Variants in TCERG1L observed in about 807,000 individuals in gnomAD.
TCERG1L encodes transcription elongation regulator 1 like.
TCERG1L carries 37 observed loss-of-function variants against 56.3 expected under a neutral mutation model. The ratio of observed to expected loss-of-function variants is 0.66; its 90% CI spans 0.51 to 0.87. The LOEUF (loss-of-function observed/expected upper bound fraction) is 0.87. TCERG1L is among the 40% of genes least tolerant of loss of function. The pLI, the probability that TCERG1L is intolerant of heterozygous loss-of-function variation, is 0.00. For missense variants in TCERG1L, 799 were observed against 774.2 expected (o/e 1.03, Z -0.38); for synonymous variants, 324 against 326.3 (o/e 0.99, Z 0.08).
chr10:131,212,514 C>T (rs557590753), intron 4 of TCERG1L, among the ~76,000 whole-genome samples: 1 of 152,124 alleles, frequency 6.6e-6, no homozygotes, highest in Non-Finnish European at 1.5e-5. Context: ...AATAATTAGG[C>T]CTTACCTAAA....
Position 131,281,685 on chromosome 10 carries a change from C to T in TCERG1L, c.671-21241G>A, listed in dbSNP as rs140486802. Among the ~76,000 whole-genome samples the T allele has an allele frequency of 1.5e-3, 221 of 151,698 alleles. 3 individuals are homozygous for T. The Middle Eastern group carries it at 0.034, about 23-fold the overall frequency. ...ACAGTCCCCCTGGCTACTCTCCCGA[C>T]GCTCCGTCCTAAAGTCCCTATTGGG... On this transcript the variant is annotated intron_variant, in intron 3 of 11. Transcript: ENST00000368642.
chr10:131,130,167 C>T (rs138952433), intron 8 of TCERG1L, among the ~76,000 whole-genome samples: 27 of 151,626 alleles, frequency 1.8e-4, no homozygotes, highest in African/African-American at 4.8e-4. Context: ...AGGTGAAAGA[C>T]GCATGTTACA....
intron 4 of TCERG1L, among the ~76,000 whole-genome samples, chr10:131,213,646 C>A (rs1433557537): frequency 6.6e-6 from 1 of 152,194 alleles, no homozygotes; most frequent in East Asian, 1.9e-4. Flanking sequence ...CTTAATTATG[C>A]AAGCTGCTTC....
At chr10:131,285,486 A>G (rs1291445618) in intron 3 of TCERG1L, among the ~76,000 whole-genome samples, 5 of 18,896 alleles carry the variant, frequency 2.6e-4, no homozygotes, top group African/African-American at 4.5e-4. Flanking sequence ...GAAAGAAAGA[A>G]AGAAAGAAAG....
At chr10:131,285,103 C>T (rs892035078) in intron 3 of TCERG1L, among the ~76,000 whole-genome samples, 61 of 152,238 alleles carry the variant, frequency 4.0e-4, no homozygotes, top group Non-Finnish European at 7.4e-4. Context: ...AGCAGCCAGT[C>T]GCAGTGGCTC....
At chr10:131,129,383 C>T (rs12250538) in intron 8 of TCERG1L, among the ~76,000 whole-genome samples, 53,220 of 152,034 alleles carry the variant, frequency 0.35, 9,413 homozygotes, top group Non-Finnish European at 0.38. Flanking sequence ...TATATGATGT[C>T]GGGGGTTTGT....
At chr10:131,244,496 G>A (rs1325223008) in intron 4 of TCERG1L, among the ~76,000 whole-genome samples, 1 of 152,094 alleles carries the variant, frequency 6.6e-6, no homozygotes. Context: ...TCTTTAAGGT[G>A]CGCTGGAAGA....
intron 4 of TCERG1L, among the ~76,000 whole-genome samples, chr10:131,248,565 C>T (rs531791578): frequency 1.3e-5 from 2 of 152,278 alleles, no homozygotes; most frequent in Non-Finnish European, 2.9e-5. Context: ...GGACTCTTCC[C>T]GTGACCCCCT....
intron 6 of TCERG1L, among the ~76,000 whole-genome samples, chr10:131,160,034 G>A (rs1337709920): frequency 1.3e-5 from 2 of 152,154 alleles, no homozygotes; most frequent in Non-Finnish European, 2.9e-5. Context: ...GACTAAACAT[G>A]AAACGAGAAA....
chr10:131,133,409 G>A (rs975088015), intron 8 of TCERG1L, among the ~76,000 whole-genome samples: 3 of 152,212 alleles, frequency 2.0e-5, no homozygotes, highest in Non-Finnish European at 2.9e-5. Context: ...TGCAGGCCTA[G>A]GGTATCCCAT....
At chr10:131,116,677 G>C in intron 9 of TCERG1L, 122 bp downstream of exon 9, 1 of 1,342,852 alleles carries the variant, frequency 7.4e-7, no homozygotes, top group African/African-American at 1.4e-5. Context: ...CTCAGGCCAG[G>C]ACAGTCACTC....
At chr10:131,106,468 G>A (rs538019275) in intron 9 of TCERG1L, among the ~76,000 whole-genome samples, 34 of 152,344 alleles carry the variant, frequency 2.2e-4, no homozygotes, top group African/African-American at 7.7e-4. Flanking sequence ...AGCTGGTGGT[G>A]GGGACAAAGG....
intron 4 of TCERG1L, among the ~76,000 whole-genome samples, chr10:131,168,362 A>T (rs1253322306): frequency 6.6e-6 from 1 of 152,156 alleles, no homozygotes. Context: ...ATAGCTCTGC[A>T]TGGGGCCAGC....
chr10:131,258,549 T>C (rs1431656531), intron 4 of TCERG1L, among the ~76,000 whole-genome samples: 1 of 152,168 alleles, frequency 6.6e-6, no homozygotes, highest in Admixed American at 6.5e-5. Context: ...CCCAGCCTCC[T>C]GGTGGTATTT....
rs982460078 is a variant in TCERG1L at position 131,093,183 on chromosome 10, T to A, written c.1740A>T (p.Leu580=). Residue 580 remains leucine (L), a synonymous_variant, in exon 12 of 12, where the codon CTA becomes CTT. Transcript: ENST00000368642. Reference sequence around the variant, plus strand: ...AAACTCATCTCATTTTCCGCAGCCTTAGTCTGTTTTCCTTGTCCCGTTTCT... The same window carrying A: ...AAACTCATCTCATTTTCCGCAGCCTAAGTCTGTTTTCCTTGTCCCGTTTCT... ...ILKKRDKENR[L]RLRKMR 6.2e-7 allele frequency: 1 copy of A among 1,613,812 alleles called. No homozygotes were observed. The highest frequency in any genetic ancestry group is 1.1e-5 in the South Asian group (1 of 91,028).
At chr10:131,124,246 G>A (rs1023380939) in intron 8 of TCERG1L, among the ~76,000 whole-genome samples, 14 of 152,134 alleles carry the variant, frequency 9.2e-5, no homozygotes, top group African/African-American at 3.4e-4. Context: ...AGCTGCGGGA[G>A]GCCCACCTAA....
intron 5 of TCERG1L, 77 bp downstream of exon 5, chr10:131,166,720 C>A: frequency 7.1e-7 from 1 of 1,401,808 alleles, no homozygotes; most frequent in Non-Finnish European, 1.0e-6. Flanking sequence ...AGCAAACAAG[C>A]GTGAGGGTGT....
intron 8 of TCERG1L, among the ~76,000 whole-genome samples, chr10:131,131,688 G>A (rs185818895): frequency 1.3e-5 from 2 of 152,310 alleles, no homozygotes; most frequent in East Asian, 3.9e-4. Flanking sequence ...TATCGATTAT[G>A]CCAGGGTTCA....
At chr10:131,255,335 C>T (rs1023173468) in intron 4 of TCERG1L, among the ~76,000 whole-genome samples, 1 of 152,194 alleles carries the variant, frequency 6.6e-6, no homozygotes, top group African/African-American at 2.4e-5. Flanking sequence ...CAGAAGAATG[C>T]GCAAACTATG....
Sources: gnomAD v4.1 joint callset for allele counts (sites outside exome capture counted in the v4.1 genomes callset) on GRCh38, gnomAD v4.1.1 for gene constraint, MANE v1.5 for transcripts, NCBI Gene and HGNC (gene_info 2026-07-23, HGNC 2026-07-21) for gene names.